The following DAPK2 variants were observed in gnomAD, a reference collection of about 807,000 sequenced individuals.
DAPK2 encodes death-associated protein kinase 2.
DAPK2 carries 35 observed loss-of-function variants against 44.1 expected under a neutral mutation model. That is an observed-to-expected ratio of 0.79 (90% CI 0.61 to 1.05). The LOEUF (loss-of-function observed/expected upper bound fraction) is 1.05, where lower values mean the gene tolerates loss of function less well. Ranked by LOEUF, DAPK2 falls within the 50% of genes least tolerant of loss-of-function variation. The pLI is 0.00. For missense variants in DAPK2, 453 were observed against 483.2 expected (o/e 0.94, Z 0.59); for synonymous variants, 174 against 182.6 (o/e 0.95, Z 0.38).
chr15:64,015,979 C>T (rs2079514592), intron 1 of DAPK2, among the ~76,000 whole-genome samples: 1 of 152,152 alleles, frequency 6.6e-6, no homozygotes, highest in South Asian at 2.1e-4. Flanking sequence ...GTTATGGAGG[C>T]CCCAGCAAAC....
intron 3 of DAPK2, among the ~76,000 whole-genome samples, chr15:63,948,227 C>T: frequency 8.0e-6 from 1 of 125,310 alleles, no homozygotes; most frequent in African/African-American, 3.0e-5. Context: ...GCGGAGATCA[C>T]ACCACTGCAT....
intron 10 of DAPK2, among the ~76,000 whole-genome samples, chr15:63,910,329 C>G (rs988539346): frequency 4.6e-5 from 7 of 152,144 alleles, no homozygotes; most frequent in Non-Finnish European, 1.0e-4. Context: ...TATCCTAGGT[C>G]TAGCCGTGCA....
intron 1 of DAPK2, among the ~76,000 whole-genome samples, chr15:64,015,552 C>T (rs920083485): frequency 6.6e-6 from 1 of 152,224 alleles, no homozygotes; most frequent in African/African-American, 2.4e-5. Flanking sequence ...TTTCCATATT[C>T]TAACCCCTGG....
chr15:64,015,705 T>G (rs1182030641), intron 1 of DAPK2, among the ~76,000 whole-genome samples: 2 of 152,070 alleles, frequency 1.3e-5, no homozygotes, highest in African/African-American at 4.8e-5. Context: ...AGGCAGAGAT[T>G]AGACAGAAGA....
chr15:63,953,005 G>C (rs1039011183), intron 3 of DAPK2, among the ~76,000 whole-genome samples: 1 of 151,728 alleles, frequency 6.6e-6, no homozygotes, highest in Non-Finnish European at 1.5e-5. Context: ...TATTTCCATG[G>C]GCTTTGGGGG....
intron 5 of DAPK2, 75 bp from the exon 7 acceptor site, chr15:63,929,652 C>T: frequency 6.3e-7 from 1 of 1,591,026 alleles, no homozygotes; most frequent in Non-Finnish European, 8.6e-7. Flanking sequence ...CCTCATGGAT[C>T]TAAGGGGAAG....
chr15:64,001,212 C>A (rs1221683615), intron 1 of DAPK2, among the ~76,000 whole-genome samples: 24 of 139,618 alleles, frequency 1.7e-4, no homozygotes, highest in South Asian at 2.3e-4. Flanking sequence ...CACTACCTGC[C>A]AAAAAAAAAA....
At chr15:63,960,653 G>C (rs1460895431) in intron 3 of DAPK2, among the ~76,000 whole-genome samples, 1 of 152,220 alleles carries the variant, frequency 6.6e-6, no homozygotes, top group Non-Finnish European at 1.5e-5. Flanking sequence ...CCATGTAGTT[G>C]AGTGGTTTTG....
intron 3 of DAPK2, among the ~76,000 whole-genome samples, chr15:63,971,043 C>G (rs2078197980): frequency 6.6e-6 from 1 of 152,228 alleles, no homozygotes; most frequent in Non-Finnish European, 1.5e-5. Context: ...CAGCCAACTT[C>G]AGCAATCCTC....
chr15:64,000,910 G>A (rs755999282), intron 1 of DAPK2, among the ~76,000 whole-genome samples: 32 of 151,572 alleles, frequency 2.1e-4, no homozygotes, highest in Non-Finnish European at 4.1e-4. Context: ...ATGGAGTCTC[G>A]CTCTTGTCAC....
chr15:63,940,648 G>T (rs1017879113), intron 3 of DAPK2, among the ~76,000 whole-genome samples: 1 of 152,126 alleles, frequency 6.6e-6, no homozygotes, highest in Non-Finnish European at 1.5e-5. Flanking sequence ...GGAGGTGGAG[G>T]TTGCAGTGAA....
chr15:64,029,096 C>T (rs1156699159), intron 1 of DAPK2, among the ~76,000 whole-genome samples: 2 of 152,110 alleles, frequency 1.3e-5, no homozygotes, highest in African/African-American at 4.8e-5. Flanking sequence ...CCAGAAGATA[C>T]AGGCCCATGG....
At chr15:63,946,253 G>T (rs2077447151) in intron 3 of DAPK2, among the ~76,000 whole-genome samples, 1 of 152,384 alleles carries the variant, frequency 6.6e-6, no homozygotes, top group East Asian at 1.9e-4. Context: ...CCGACCAGAA[G>T]GTGGTTGTCC....
In DAPK2 at chr15:63,983,519, G is replaced by A. The variant is rs1285912690; in HGVS notation, c.314+14C>T. 1 of 1,611,480 alleles carries A rather than the reference G, an allele frequency of 6.2e-7. No individual in the cohort carries two copies. The highest frequency in any genetic ancestry group is 1.7e-5 in the Admixed American group (1 of 60,008). ...CTGCCCCCCAACCCTGTGGGTCCTG[G>A]GGACCCCACTCACAGCTCAAGGATG... On this transcript the variant is annotated intron_variant, in intron 2 of 10. Coordinates refer to ENST00000261891, the Ensembl canonical transcript of DAPK2.
At chr15:64,005,532 A>G (rs1040388194) in intron 1 of DAPK2, among the ~76,000 whole-genome samples, 2 of 152,062 alleles carry the variant, frequency 1.3e-5, no homozygotes, top group African/African-American at 4.8e-5. Context: ...GAGGACAGCC[A>G]TGTGCCCTCC....
At chr15:64,017,022 A>C (rs2079551120) in intron 1 of DAPK2, among the ~76,000 whole-genome samples, 1 of 152,178 alleles carries the variant, frequency 6.6e-6, no homozygotes, top group Non-Finnish European at 1.5e-5. Flanking sequence ...GCCTAAGCCC[A>C]ACTTGTTCTC....
intron 3 of DAPK2, among the ~76,000 whole-genome samples, chr15:63,941,319 T>C (rs772794145): frequency 2.0e-5 from 3 of 152,240 alleles, no homozygotes; most frequent in East Asian, 1.9e-4. Flanking sequence ...CCAGGCTTAT[T>C]TGAACCTTTC....
At position 63,995,407 on chromosome 15, in the gene DAPK2, T is replaced by G. The variant is rs924164699; in HGVS notation, c.93-11653A>C. ...GTTGAAAAGATTTTCCCTAACTGAT[T>G]TTCTTATAGGCCAGAGTGGTTATGG... On this transcript the variant is annotated intron_variant, in intron 1 of 10. Coordinates refer to ENST00000261891, the Ensembl canonical transcript of DAPK2. Among the ~76,000 whole-genome samples the G allele has an allele frequency of 3.3e-5, 5 of 152,346 alleles. No homozygotes were observed. In the East Asian group the frequency reaches 9.6e-4, roughly 29 times the overall value.
chr15:63,937,244 T>C (rs2077185654), intron 4 of DAPK2, among the ~76,000 whole-genome samples: 1 of 152,168 alleles, frequency 6.6e-6, no homozygotes. Context: ...AACAAAACCA[T>C]ACTGGCTCAC....
Sources: allele counts gnomAD v4.1 joint callset (sites outside exome capture counted in the v4.1 genomes callset), GRCh38; gene constraint gnomAD v4.1.1; transcripts MANE v1.5; gene names NCBI Gene and HGNC (gene_info 2026-07-23, HGNC 2026-07-21).